Variants in LNX1 observed in about 807,000 individuals in gnomAD.
LNX1 encodes E3 ubiquitin-protein ligase LNX.
A neutral mutation model predicts 68.4 loss-of-function variants in LNX1; 54 were observed. That is an observed-to-expected ratio of 0.79 (90% CI 0.63 to 0.99). The LOEUF (loss-of-function observed/expected upper bound fraction) is 0.99, where lower values mean the gene tolerates loss of function less well. Ranked by LOEUF, LNX1 falls within the 50% of genes least tolerant of loss-of-function variation. The probability of loss-of-function intolerance (pLI) is 0.00; values close to 1 mark genes in which losing one functional copy is unlikely to be tolerated. For missense variants in LNX1, 906 were observed against 926.4 expected (o/e 0.98, Z 0.29); for synonymous variants, 336 against 350.0 (o/e 0.96, Z 0.45).
chr4:53,528,618 G>T (rs1381664925), intron 2 of LNX1, among the ~76,000 whole-genome samples: 1 of 152,132 alleles, frequency 6.6e-6, no homozygotes, highest in African/African-American at 2.4e-5. Context: ...TGTATACAGG[G>T]TTCAATACTA....
chr4:53,557,611 A>G (rs1436626150), intron 2 of LNX1, among the ~76,000 whole-genome samples: 1 of 151,448 alleles, frequency 6.6e-6, no homozygotes, highest in Non-Finnish European at 1.5e-5. Context: ...GAAAAAGAGT[A>G]CCCCAAAAAA....
intron 1 of LNX1, among the ~76,000 whole-genome samples, chr4:53,623,552 C>T (rs577478211): frequency 1.3e-5 from 2 of 152,106 alleles, no homozygotes; most frequent in South Asian, 2.1e-4. Context: ...AATTCTGATG[C>T]AAACCATAAG....
rs150762733 is a variant in LNX1, at chr4:53,509,142, A to C, written c.381-915T>G. Among the ~76,000 whole-genome samples the C allele has an allele frequency of 3.5e-3, 526 of 152,300 alleles. 3 individuals carry two copies. Among genetic ancestry groups the C allele is most frequent in the African/African-American group, 0.012 (493 of 41,564 alleles). ...GCGCACAGGCTAGGTTTTGGTCAGG[A>C]AATGGTGATTTAACTATCTCACTCT... On this transcript the variant is annotated intron_variant, in intron 2 of 10. Coordinates refer to ENST00000263925, the MANE Select transcript of LNX1 (RefSeq NM_001126328.3).
chr4:53,618,299 C>T (rs1212825036), upstream of LNX1, among the ~76,000 whole-genome samples: 3 of 152,122 alleles, frequency 2.0e-5, no homozygotes, highest in Non-Finnish European at 4.4e-5. Flanking sequence ...AAAGAGTATT[C>T]TAAAGAGGAC....
chr4:53,516,341 G>A (rs1421282323), intron 2 of LNX1, among the ~76,000 whole-genome samples: 3 of 152,230 alleles, frequency 2.0e-5, no homozygotes, highest in Middle Eastern at 6.8e-3. Context: ...TAACATCAAG[G>A]CATAATGTTA....
chr4:53,611,247 A>G (rs1422605374), intron 2 of LNX1, among the ~76,000 whole-genome samples: 1 of 152,148 alleles, frequency 6.6e-6, no homozygotes, highest in Non-Finnish European at 1.5e-5. Context: ...ATAGTGAAAA[A>G]CCAACCTCTA....
chr4:53,559,302 A>G (rs1730121215), intron 2 of LNX1, among the ~76,000 whole-genome samples: 1 of 152,252 alleles, frequency 6.6e-6, no homozygotes, highest in African/African-American at 2.4e-5. Flanking sequence ...TTGATAAAAC[A>G]TGGGATATAA....
chr4:53,468,345 C>G (rs187182927), intron 9 of LNX1, among the ~76,000 whole-genome samples: 5 of 152,254 alleles, frequency 3.3e-5, no homozygotes, highest in East Asian at 1.9e-4. Context: ...GGAGGAAGCA[C>G]TAAATATGGA....
chr4:53,599,591 C>G (rs1194168019), intron 2 of LNX1, among the ~76,000 whole-genome samples: 2 of 152,150 alleles, frequency 1.3e-5, no homozygotes, highest in African/African-American at 4.8e-5. Context: ...TGAATTCTTT[C>G]TTGCACAAGA....
At chr4:53,568,109 T>C (rs1318740425) in intron 2 of LNX1, among the ~76,000 whole-genome samples, 10 of 152,096 alleles carry the variant, frequency 6.6e-5, no homozygotes, top group Non-Finnish European at 1.0e-4. Flanking sequence ...CTATTCCAAT[T>C]GATAGAAAAA....
intron 6 of LNX1, among the ~76,000 whole-genome samples, chr4:53,493,266 C>A (rs113035999): frequency 0.091 from 13,827 of 152,268 alleles, 869 homozygotes; most frequent in Non-Finnish European, 0.13. Flanking sequence ...CACACCCAGC[C>A]AGAAAATGCC....
At position 53,496,242 on chromosome 4, in the gene LNX1, A is replaced by C. The variant is rs750292841; in HGVS notation, c.1131T>G (p.Asp377Glu). ...GQAPDAYRPR[D>E]DSFHVILNKS... ...TGTTGAGAATCACATGAAAGCTGTCATCTCGGGGTCTGTAGGCATCCGGGG... is the reference window on the plus strand; with the variant it reads ...TGTTGAGAATCACATGAAAGCTGTCCTCTCGGGGTCTGTAGGCATCCGGGG... The change falls in exon 6 of 11, where the codon GAT becomes GAG. Residue 377 changes from aspartate to glutamate, a missense_variant. Transcript: ENST00000263925. 47 of 1,613,658 alleles carry C rather than the reference A, an allele frequency of 2.9e-5. No homozygotes were observed. Among genetic ancestry groups the C allele is most frequent in the Middle Eastern group, 1.6e-4 (1 of 6,084 alleles).
intron 2 of LNX1, among the ~76,000 whole-genome samples, chr4:53,612,214 T>G (rs1733522883): frequency 6.6e-6 from 1 of 152,174 alleles, no homozygotes; most frequent in South Asian, 2.1e-4. Context: ...TGTCTAAAAT[T>G]GTAAAGATTT....
intron 2 of LNX1, among the ~76,000 whole-genome samples, chr4:53,610,965 T>C (rs1733470493): frequency 6.6e-6 from 1 of 151,924 alleles, no homozygotes; most frequent in South Asian, 2.1e-4. Flanking sequence ...AAGAAGACTA[T>C]AGTGACTGAA....
intron 2 of LNX1, among the ~76,000 whole-genome samples, chr4:53,557,659 A>G (rs4864794): frequency 0.18 from 26,797 of 151,088 alleles, 3,418 homozygotes; most frequent in African/African-American, 0.36. Context: ...AAAATGCCTT[A>G]TTGAGAAAGT....
At chr4:53,635,910 T>A (rs1734454499) in intron 1 of LNX1, among the ~76,000 whole-genome samples, 1 of 152,180 alleles carries the variant, frequency 6.6e-6, no homozygotes, top group South Asian at 2.1e-4. Context: ...CTGTAAATAT[T>A]TACTAAGTGT....
At chr4:53,483,426 G>T (rs1400123385) in intron 6 of LNX1, among the ~76,000 whole-genome samples, 2 of 152,178 alleles carry the variant, frequency 1.3e-5, no homozygotes, top group Admixed American at 6.5e-5. Flanking sequence ...CATGTGTCAG[G>T]TAGTATGGGC....
At chr4:53,610,375 A>G (rs919054079) in intron 2 of LNX1, among the ~76,000 whole-genome samples, 1 of 152,222 alleles carries the variant, frequency 6.6e-6, no homozygotes, top group African/African-American at 2.4e-5. Flanking sequence ...GTCGAACTTT[A>G]TAACATACTC....
intron 2 of LNX1, among the ~76,000 whole-genome samples, chr4:53,560,529 C>T (rs1730210394): frequency 6.6e-6 from 1 of 152,108 alleles, no homozygotes; most frequent in African/African-American, 2.4e-5. Flanking sequence ...CTGTATAACA[C>T]AATAGTGACT....
Sources: allele counts gnomAD v4.1 joint callset (sites outside exome capture counted in the v4.1 genomes callset), GRCh38; gene constraint gnomAD v4.1.1; transcripts MANE v1.5; gene names NCBI Gene and HGNC (gene_info 2026-07-23, HGNC 2026-07-21).